Variants in MAST4 observed in about 807,000 individuals in gnomAD.
MAST4 encodes microtubule associated serine/threonine kinase family member 4.
In MAST4, 89 loss-of-function variants were observed where a neutral mutation model predicts 162.7. The ratio of observed to expected loss-of-function variants is 0.55; its 90% confidence interval spans 0.46 to 0.65. The LOEUF is 0.65. Ranked by LOEUF, MAST4 falls within the 30% of genes least tolerant of loss-of-function variation. The pLI, the probability that MAST4 is intolerant of heterozygous loss-of-function variation, is 0.00. For missense variants in MAST4, 3,153 were observed against 3,374.0 expected (o/e 0.93, Z 1.62); for synonymous variants, 1,479 against 1,361.1 (o/e 1.09, Z -1.91).
Position 67,163,214 on chromosome 5 carries a change from C to T in MAST4, c.4035C>T (p.His1345=), listed in dbSNP as rs760939123. 4.9e-5 allele frequency: 79 copies of T among 1,613,790 alleles called. No individual in the cohort carries two copies. In the Middle Eastern group the frequency reaches 8.2e-4, roughly 17 times the overall value. Residue 1345 remains histidine (H), a synonymous_variant, in exon 29 of 29, where the codon CAC becomes CAT. Transcript: ENST00000403625. This position sits in a 1 kb window ranked among gnomAD's most constrained non-coding sequence, Gnocchi z 7.0. ...CCAATTCCCCAGCAGGGTCCGGGCA[C>T]ATCCGGCCCAGCACTCTCCACGGTC... ...SAPNSPAGSG[H]IRPSTLHGLA...
At chr5:66,941,111 CTATG>C (rs1743316243) in intron 4 of MAST4, among the ~76,000 whole-genome samples, 1 of 152,072 alleles carries the variant, frequency 6.6e-6, no homozygotes, top group African/African-American at 2.4e-5. Context: ...CTTTGTTGCT[CTATG>C]TATGGAGCAC....
At chr5:66,827,948 A>C (rs982270306) in intron 3 of MAST4, among the ~76,000 whole-genome samples, 2 of 152,218 alleles carry the variant, frequency 1.3e-5, no homozygotes, top group African/African-American at 4.8e-5. Flanking sequence ...CAATTGAGAT[A>C]AGATGAGGAT....
intron 4 of MAST4, among the ~76,000 whole-genome samples, chr5:66,994,554 T>G (rs1750414448): frequency 6.6e-6 from 1 of 152,216 alleles, no homozygotes; most frequent in Non-Finnish European, 1.5e-5. Flanking sequence ...CTGGAGTAAC[T>G]TCTCTTTGAA....
At chr5:67,108,915 GTTA>G (rs2150895064) in intron 10 of MAST4, among the ~76,000 whole-genome samples, 2 of 152,174 alleles carry the variant, frequency 1.3e-5, no homozygotes, top group African/African-American at 4.8e-5. Context: ...ACAATGAAAT[GTTA>G]TTTTTTAATC....
chr5:67,082,366 C>T (rs1762765353), intron 5 of MAST4, among the ~76,000 whole-genome samples: 1 of 152,070 alleles, frequency 6.6e-6, no homozygotes, highest in African/African-American at 2.4e-5. Context: ...ATCTCTTGAC[C>T]TCGTGATCCA....
intron 1 of MAST4, among the ~76,000 whole-genome samples, chr5:66,629,107 G>A (rs1049328131): frequency 3.9e-5 from 6 of 152,194 alleles, no homozygotes; most frequent in African/African-American, 1.4e-4. Flanking sequence ...GAGTGGGAGA[G>A]TGCAGGCTGA....
chr5:67,140,652 T>A (rs1770266511), intron 19 of MAST4, among the ~76,000 whole-genome samples: 1 of 152,248 alleles, frequency 6.6e-6, no homozygotes, highest in Non-Finnish European at 1.5e-5. Context: ...TGGTCCACGG[T>A]GCTTTATTGC....
At chr5:67,078,911 A>AATAAATATATATATATATAATATATATAT (rs1227485756) in intron 5 of MAST4, among the ~76,000 whole-genome samples, 11 of 38,100 alleles carry the variant, frequency 2.9e-4, no homozygotes, top group Non-Finnish European at 3.5e-4. Flanking sequence ...TTTTTATATA[A>AATAAATATATATATATATAATATATATAT]ATATATATAT....
At chr5:66,958,969 A>T (rs1193410822) in intron 4 of MAST4, 2 of 406,768 alleles carry the variant, frequency 4.9e-6, no homozygotes, top group Non-Finnish European at 8.9e-6. Flanking sequence ...AAAAAAAAAA[A>T]AAAAATCAGA....
chr5:66,826,461 T>C (rs879625192), intron 3 of MAST4, among the ~76,000 whole-genome samples: 24 of 152,264 alleles, frequency 1.6e-4, no homozygotes, highest in African/African-American at 5.3e-4. Flanking sequence ...CAGTGTGTCC[T>C]CGAAATGTCT....
At chr5:67,032,711 A>G (rs1412236937) in intron 4 of MAST4, among the ~76,000 whole-genome samples, 1 of 152,166 alleles carries the variant, frequency 6.6e-6, no homozygotes, top group African/African-American at 2.4e-5. Context: ...CAGTATGTAC[A>G]ATGATTATTT....
intron 4 of MAST4, among the ~76,000 whole-genome samples, chr5:67,029,112 C>T (rs888098326): frequency 2.7e-5 from 4 of 150,492 alleles, no homozygotes; most frequent in African/African-American, 4.9e-5. Flanking sequence ...CCAGCCTGGG[C>T]GACAGCACGA....
intron 1 of MAST4, among the ~76,000 whole-genome samples, chr5:66,703,255 A>G (rs1254470318): frequency 6.6e-6 from 1 of 152,172 alleles, no homozygotes; most frequent in East Asian, 1.9e-4. Flanking sequence ...TGACGCTGAC[A>G]TGATAAGAGT....
intron 4 of MAST4, among the ~76,000 whole-genome samples, chr5:66,994,372 C>CT (rs1423137538): frequency 7.2e-5 from 11 of 152,114 alleles, no homozygotes; most frequent in Non-Finnish European, 1.5e-4. Context: ...TACATGTCCT[C>CT]TGGCCTTGTT....
intron 5 of MAST4, among the ~76,000 whole-genome samples, chr5:67,089,861 A>T (rs1581518515): frequency 6.6e-6 from 1 of 152,176 alleles, no homozygotes; most frequent in Non-Finnish European, 1.5e-5. Flanking sequence ...TCATTACTCT[A>T]TCAGATTGAA....
chr5:67,064,500 G>T (rs1160966161), intron 5 of MAST4, among the ~76,000 whole-genome samples: 1 of 152,232 alleles, frequency 6.6e-6, no homozygotes, highest in Non-Finnish European at 1.5e-5. Flanking sequence ...AAAAGAGGGA[G>T]TCTTCCTTAA....
chr5:66,639,654 C>G (rs933238358), intron 1 of MAST4, among the ~76,000 whole-genome samples: 11 of 151,950 alleles, frequency 7.2e-5, no homozygotes, highest in African/African-American at 2.7e-4. Context: ...TATTCTGAGA[C>G]TGTTATATGT....
intron 3 of MAST4, among the ~76,000 whole-genome samples, chr5:66,845,980 T>C (rs1432203490): frequency 2.6e-5 from 4 of 152,198 alleles, no homozygotes; most frequent in Non-Finnish European, 5.9e-5. Context: ...GGTGCCATTC[T>C]GAGTGCTTTA....
chr5:66,644,263 C>T (rs866568859), intron 1 of MAST4, among the ~76,000 whole-genome samples: 45 of 151,910 alleles, frequency 3.0e-4, no homozygotes, highest in African/African-American at 9.9e-4. Context: ...GATTTACTTA[C>T]CAGTCCTTCA....
Sources: gnomAD v4.1 joint callset for allele counts (sites outside exome capture counted in the v4.1 genomes callset) on GRCh38, gnomAD v4.1.1 for gene constraint, Gnocchi (gnomAD v3.1) non-coding constraint, MANE v1.5 for transcripts, NCBI Gene and HGNC (gene_info 2026-07-23, HGNC 2026-07-21) for gene names.